CEP250: variants seen among roughly 807,000 people sequenced by gnomAD.
The protein encoded by CEP250 is centrosomal protein 250.
In CEP250, 242 loss-of-function variants were observed where a neutral mutation model predicts 315.7. That is an observed-to-expected ratio of 0.77 (90% CI 0.69 to 0.85). The LOEUF is 0.85. Among genes scored for constraint, CEP250 ranks in the 40% least tolerant of loss-of-function variants. The probability of loss-of-function intolerance (pLI) is 0.00; values close to 1 mark genes in which losing one functional copy is unlikely to be tolerated. For synonymous variants in CEP250, 1,088 were observed against 1,175.0 expected (o/e 0.93, Z 1.51); for missense variants, 2,515 against 2,886.4 (o/e 0.87, Z 2.95).
intron 11 of CEP250, 41 bp from the exon 12 acceptor site, chr20:35,472,632 T>C (rs773053797): frequency 1.2e-6 from 2 of 1,609,008 alleles, no homozygotes; most frequent in Admixed American, 1.7e-5. Flanking sequence ...GACTCTAGGC[T>C]TTGGTCAGTA....
At position 35,504,852 on chromosome 20, in the gene CEP250, G is replaced by A; in HGVS notation, c.6483G>A (p.Gln2161=). ...AGCGGCTACAGGCAGCCCTGAGACA[G>A]ACAGAAGCCAGGGAGATTGAGTGGA... The part of the protein sequence containing the change: ...ELERLQAALR[Q]TEAREIEWRE... Residue 2161 remains glutamine, a synonymous_variant, in exon 30 of 35, where the codon CAG becomes CAA. Transcript: ENST00000397527. 1 of 1,614,234 alleles carries A rather than the reference G, an allele frequency of 6.2e-7. No individual in the cohort carries two copies. The highest frequency in any genetic ancestry group is 8.5e-7 in the Non-Finnish European group (1 of 1,180,042).
At chr20:35,476,426 CTT>C in intron 15 of CEP250, 21 bp from the exon 16 acceptor site, 1 of 1,605,958 alleles carries the variant, frequency 6.2e-7, no homozygotes, top group Non-Finnish European at 8.5e-7. Flanking sequence ...ATATGAAACT[CTT>C]TAATCCTTTT....
intron 20 of CEP250, among the ~76,000 whole-genome samples, chr20:35,489,750 C>T (rs916978881): frequency 1.3e-5 from 2 of 152,212 alleles, no homozygotes; most frequent in Admixed American, 1.3e-4. Context: ...GGGAGACATC[C>T]TCACTGGGCC....
At position 35,500,078 on chromosome 20, in the gene CEP250, G is replaced by A; in HGVS notation, c.3807G>A (p.Leu1269=). The part of the protein sequence containing the change: ...RDVLRDQVQK[L]EERLTDTEAE... ...TTCTGAGGGATCAGGTCCAGAAACT[G>A]GAAGAGCGTCTAACTGATACTGAGG... is the stretch of plus-strand genomic sequence containing the variant. The change falls in exon 28 of 35, where the codon CTG becomes CTA. Residue 1269 remains leucine (L), a synonymous_variant. Coordinates refer to ENST00000397527, the MANE Select transcript of CEP250 (RefSeq NM_007186.6). 1 of 1,614,132 alleles carries A rather than the reference G, an allele frequency of 6.2e-7. No homozygotes were observed. Among genetic ancestry groups the A allele is most frequent in the Non-Finnish European group, 8.5e-7 (1 of 1,179,986 alleles).
At chr20:35,474,936 C>T (rs2146813032) in intron 14 of CEP250, 1 of 456,922 alleles carries the variant, frequency 2.2e-6, no homozygotes, top group Non-Finnish European at 4.6e-6. Context: ...TTCCTTGTAC[C>T]TGGTAGGCAT....
chr20:35,513,673 T>C lies in CEP250; in HGVS notation c.*2047T>C, dbSNP rs2064401015. ...CGGGCTGACAGAGGGTCCCTGTTTT[T>C]TACCTTAGAGTTTCTTCTCAGCATC... On this transcript the variant is annotated 3_prime_UTR_variant, in exon 35 of 35. Transcript: ENST00000397527. 1 of 152,214 alleles carries C rather than the reference T, an allele frequency of 6.6e-6. No homozygotes were observed. The highest frequency in any genetic ancestry group is 6.5e-5 in the Admixed American group (1 of 15,282). The allele number at this position is 152,214 out of a possible 1,614,324, so 9.4% of individuals were successfully genotyped here.
chr20:35,477,873 AGAG>A lies in CEP250; in HGVS notation c.1873_1875del (p.Glu625del), dbSNP rs755726097. Reference sequence around the variant, plus strand: ...TCCCTTCCCTTTTTGGCCAGTAGTTAGAGGAGGAGAACCAGTCTGTGTGCAGCA... The same window carrying A: ...TCCCTTCCCTTTTTGGCCAGTAGTTAGAGGAGAACCAGTCTGTGTGCAGCA... On this transcript the variant is annotated inframe_deletion, in exon 17 of 35. Transcript: ENST00000397527. 4.4e-6 allele frequency: 7 copies of A among 1,577,494 alleles called. No homozygotes were observed. In the African/African-American group the frequency reaches 6.7e-5, roughly 15 times the overall value.
chr20:35,488,578 C>T (rs1342315585), intron 20 of CEP250, among the ~76,000 whole-genome samples: 6 of 152,120 alleles, frequency 3.9e-5, no homozygotes, highest in Admixed American at 6.6e-5. Context: ...ATCCTCCTAC[C>T]TCAGCCTCCC....
chr20:35,485,298 T>C (rs897579562), intron 20 of CEP250, among the ~76,000 whole-genome samples: 1 of 150,098 alleles, frequency 6.7e-6, no homozygotes, highest in African/African-American at 2.5e-5. Flanking sequence ...CGCTTGAACC[T>C]GAGAGGTGGA....
In CEP250 at chr20:35,518,255, T is replaced by C. The variant is rs1442820334; in HGVS notation, c.*6629T>C. ...CACGAGGCCGCACTACCTACACCTT[T>C]GGGGATTCTCGGATCCTGACTCTGA... is the stretch of plus-strand genomic sequence containing the variant. On this transcript the variant is annotated 3_prime_UTR_variant, in exon 35 of 35. Coordinates refer to ENST00000397527, the MANE Select transcript of CEP250 (RefSeq NM_007186.6). The C allele has an allele frequency of 6.6e-6, 1 of 152,064 alleles. No homozygotes were observed. The highest frequency in any genetic ancestry group is 1.9e-4 in the East Asian group (1 of 5,198). The allele number at this position is 152,064 out of a possible 1,614,324, so 9.4% of individuals were successfully genotyped here. A position where few individuals can be genotyped will look rare whatever the true frequency, so the allele number is the denominator to read the frequency against.
At position 35,495,768 on chromosome 20, in the gene CEP250, CAA is replaced by C. The variant is rs201918792; in HGVS notation, c.3168-802_3168-801del. Among the ~76,000 whole-genome samples the C allele has an allele frequency of 2.0e-5, 3 of 151,336 alleles. 1 individual carries two copies. The East Asian group carries it at 5.8e-4, about 29-fold the overall frequency. ...CCATCTCAAAAAAAGCAAAAAACAA[CAA>C]AAAAAAGACACAGTTTGAGAAGGGA... On this transcript the variant is annotated intron_variant, in intron 24 of 34. Coordinates refer to ENST00000397527, the MANE Select transcript of CEP250 (RefSeq NM_007186.6).
intron 28 of CEP250, among the ~76,000 whole-genome samples, chr20:35,501,502 A>G (rs970190480): frequency 1.7e-4 from 26 of 152,124 alleles, no homozygotes; most frequent in African/African-American, 6.0e-4. Flanking sequence ...GCACAATTAT[A>G]GGACTGGGGG....
chr20:35,474,676 C>A, intron 14 of CEP250: 1 of 422,030 alleles, frequency 2.4e-6, no homozygotes, highest in South Asian at 1.8e-5. Flanking sequence ...CTGTAAATTC[C>A]CCTATATGAT....
intron 13 of CEP250, 56 bp downstream of exon 13, chr20:35,473,608 C>A: frequency 6.7e-7 from 1 of 1,502,254 alleles, no homozygotes; most frequent in Non-Finnish European, 8.9e-7. Flanking sequence ...TCTCAGTCAC[C>A]ATCCAGCCAT....
At chr20:35,469,184 C>T (rs2062964955) in intron 9 of CEP250, among the ~76,000 whole-genome samples, 1 of 152,068 alleles carries the variant, frequency 6.6e-6, no homozygotes, top group East Asian at 1.9e-4. Flanking sequence ...CATGTGGTGG[C>T]ATGCACCTAT....
intron 10 of CEP250, among the ~76,000 whole-genome samples, chr20:35,471,004 T>C (rs888439826): frequency 6.6e-6 from 1 of 152,206 alleles, no homozygotes; most frequent in Non-Finnish European, 1.5e-5. Flanking sequence ...CTATAAGTTT[T>C]CAGATCTCTG....
In CEP250 at chr20:35,491,227, GAGA is replaced by G. The variant is rs779686566; in HGVS notation, c.2773_2775del (p.Lys925del). The stretch of plus-strand genomic sequence containing the variant: ...CCCTCCACAGATGCAGCTGGAAACA[GAGA>G]AGGAGAGAGTATCCCTCCTGGAGAC... On this transcript the variant is annotated inframe_deletion, in exon 22 of 35. Transcript: ENST00000397527. 14 of 1,611,488 alleles carry G rather than the reference GAGA, an allele frequency of 8.7e-6. No individual in the cohort carries two copies. The highest frequency in any genetic ancestry group is 6.7e-5 in the East Asian group (3 of 44,850).
In CEP250 at chr20:35,503,836, C is replaced by T. The variant is rs764031557; in HGVS notation, c.5467C>T (p.Gln1823Ter). Residue 1823 changes from glutamine (Q) to a stop codon, truncating the protein, a stop_gained, in exon 30 of 35, where the codon CAG becomes TAG. Coordinates refer to ENST00000397527, the MANE Select transcript of CEP250 (RefSeq NM_007186.6). LOFTEE classifies it high-confidence loss of function. The surrounding 1 kb of genome is among the most constrained non-coding windows in gnomAD (Gnocchi z 4.2). Reference sequence around the variant, plus strand: ...GAGGGACCAGGAACTGGAGGCTCTGCAGCAAGAACAGCAGCAGGCCCAGGG... The same window carrying T: ...GAGGGACCAGGAACTGGAGGCTCTGTAGCAAGAACAGCAGCAGGCCCAGGG... Reference protein sequence around the residue: ...AQRDQELEALQQEQQQAQGQE... With the variant: ...AQRDQELEAL The T allele has an allele frequency of 1.9e-6, 3 of 1,613,870 alleles. No individual in the cohort carries two copies. The East Asian group carries it at 6.7e-5, about 36-fold the overall frequency.
intron 9 of CEP250, among the ~76,000 whole-genome samples, chr20:35,468,246 G>A (rs987649298): frequency 6.6e-5 from 10 of 152,160 alleles, no homozygotes; most frequent in African/African-American, 9.7e-5. Context: ...ACTGCAACTC[G>A]CCGAAATGTC....
Sources: allele counts gnomAD v4.1 joint callset (sites outside exome capture counted in the v4.1 genomes callset), GRCh38; gene constraint gnomAD v4.1.1; non-coding constraint Gnocchi (gnomAD v3.1); transcripts MANE v1.5; gene names NCBI Gene and HGNC (gene_info 2026-07-23, HGNC 2026-07-21).